Variants in IGFL2 observed in about 807,000 individuals in gnomAD.
IGFL2 encodes insulin growth factor-like family member 2.
In IGFL2, 7 loss-of-function variants were observed where a neutral mutation model predicts 13.9. That is an observed-to-expected ratio of 0.51 (90% CI 0.29 to 0.95). The LOEUF (loss-of-function observed/expected upper bound fraction) is 0.95, where lower values mean the gene tolerates loss of function less well. IGFL2 is among the 40% of genes least tolerant of loss of function. The pLI, the probability that IGFL2 is intolerant of heterozygous loss-of-function variation, is 0.08. For synonymous variants in IGFL2, 55 were observed against 55.8 expected (o/e 0.99, Z 0.07); for missense variants, 138 against 147.8 (o/e 0.93, Z 0.34).
chr19:46,177,943 C>T, the IGFL2 span, among the ~76,000 whole-genome samples: 9 of 152,232 alleles, frequency 5.9e-5, no homozygotes, highest in African/African-American at 1.9e-4. Flanking sequence ...TCAATCCCTT[C>T]CCTCTTGGAG....
chr19:46,155,305 C>T (rs1366540891), intron 1 of IGFL2, among the ~76,000 whole-genome samples: 1 of 152,160 alleles, frequency 6.6e-6, no homozygotes, highest in East Asian at 1.9e-4. Context: ...TAGCCCTAGG[C>T]TGGGAGCTGG....
the IGFL2 span, among the ~76,000 whole-genome samples, chr19:46,168,075 T>A: frequency 6.6e-6 from 1 of 152,220 alleles, no homozygotes; most frequent in Non-Finnish European, 1.5e-5. Context: ...TACCGAGGAC[T>A]ACGGGCACAT....
chr19:46,192,488 C>T, the IGFL2 span, among the ~76,000 whole-genome samples: 1 of 150,432 alleles, frequency 6.6e-6, no homozygotes, highest in African/African-American at 2.4e-5. Flanking sequence ...GGCATGATCT[C>T]AGCTCACTGC....
intron 1 of IGFL2, among the ~76,000 whole-genome samples, chr19:46,156,490 G>C (rs910115339): frequency 1.3e-5 from 2 of 152,108 alleles, no homozygotes; most frequent in Non-Finnish European, 2.9e-5. Context: ...TCAAGCTAAT[G>C]ACTACAGAAA....
the IGFL2 span, chr19:46,189,139 G>T: frequency 9.4e-5 from 15 of 159,300 alleles, no homozygotes; most frequent in African/African-American, 3.1e-4. Context: ...AGACAAGGGG[G>T]CAGGGTGAGC....
intron 1 of IGFL2, among the ~76,000 whole-genome samples, chr19:46,155,043 T>C (rs1400484524): frequency 6.6e-6 from 1 of 152,086 alleles, no homozygotes; most frequent in African/African-American, 2.4e-5. Flanking sequence ...GGGTGGTAGC[T>C]GCTCCTCTTC....
upstream of IGFL2, among the ~76,000 whole-genome samples, chr19:46,147,522 A>G (rs542650201): frequency 2.0e-5 from 3 of 152,340 alleles, no homozygotes; most frequent in East Asian, 1.9e-4. Flanking sequence ...GCAATGTATT[A>G]TAGGCTGCAA....
intron 1 of IGFL2, among the ~76,000 whole-genome samples, chr19:46,150,434 T>C (rs113445775): frequency 2.0e-5 from 3 of 152,324 alleles, no homozygotes; most frequent in African/African-American, 7.2e-5. Context: ...TAAGAAAATA[T>C]TACCTAACTC....
upstream of IGFL2, among the ~76,000 whole-genome samples, chr19:46,142,647 G>C (rs1405364024): frequency 3.9e-5 from 6 of 152,320 alleles, no homozygotes; most frequent in Non-Finnish European, 7.3e-5. Context: ...AGCACGACTG[G>C]TGGCTGACAG....
At chr19:46,174,974 C>A in the IGFL2 span, among the ~76,000 whole-genome samples, 3 of 152,154 alleles carry the variant, frequency 2.0e-5, no homozygotes, top group Non-Finnish European at 4.4e-5. Flanking sequence ...ATTTTAAAAT[C>A]TTTAAAGCTT....
the IGFL2 span, among the ~76,000 whole-genome samples, chr19:46,090,341 A>C: frequency 6.6e-6 from 1 of 152,106 alleles, no homozygotes; most frequent in Admixed American, 6.5e-5. Flanking sequence ...TTTAGTAAGG[A>C]GTTCATATTT....
At chr19:46,113,580 G>A in the IGFL2 span, 1 of 283,886 alleles carries the variant, frequency 3.5e-6, no homozygotes, top group Admixed American at 3.9e-5. Context: ...GAAATAAGAT[G>A]GGATAAAGCT....
chr19:46,137,318 A>G, the IGFL2 span: 2 of 1,066,916 alleles, frequency 1.9e-6, no homozygotes, highest in Non-Finnish European at 2.9e-6. Context: ...TCGTAGGCTC[A>G]TTTATCTGAG....
the IGFL2 span, among the ~76,000 whole-genome samples, chr19:46,130,993 G>A: frequency 1.3e-5 from 2 of 152,038 alleles, no homozygotes; most frequent in Admixed American, 6.6e-5. Flanking sequence ...TTCCGCTTAC[G>A]TAAGGAGGCC....
chr19:46,164,240 G>A (rs1006136056), downstream of IGFL2: 6 of 152,046 alleles, frequency 3.9e-5, no homozygotes, highest in Admixed American at 2.0e-4. Flanking sequence ...AACACAAACA[G>A]GGGTGACTGT....
the IGFL2 span, chr19:46,206,727 C>T: frequency 2.6e-5 from 4 of 152,188 alleles, no homozygotes; most frequent in Non-Finnish European, 5.9e-5. Flanking sequence ...GTATAAGATA[C>T]CCATGTTGAT....
the IGFL2 span, among the ~76,000 whole-genome samples, chr19:46,107,364 A>G: frequency 4.6e-5 from 7 of 152,222 alleles, no homozygotes; most frequent in African/African-American, 1.7e-4. Flanking sequence ...GCCTTGGGCC[A>G]GAGTTCCAGG....
At chr19:46,079,934 C>G in the IGFL2 span, among the ~76,000 whole-genome samples, 1 of 152,066 alleles carries the variant, frequency 6.6e-6, no homozygotes, top group African/African-American at 2.4e-5. Context: ...TCTCCTTGAG[C>G]CCTAAACACA....
chr19:46,106,648 A>C, the IGFL2 span, among the ~76,000 whole-genome samples: 180 of 152,252 alleles, frequency 1.2e-3, no homozygotes, highest in African/African-American at 3.9e-3. Flanking sequence ...TAAGGCAAAG[A>C]TCTTGGACCA....
Sources: gnomAD v4.1 joint callset for allele counts (sites outside exome capture counted in the v4.1 genomes callset) on GRCh38, gnomAD v4.1.1 for gene constraint, MANE v1.5 for transcripts, NCBI Gene and HGNC (gene_info 2026-07-23, HGNC 2026-07-21) for gene names.